TXNDC11: variants seen among roughly 807,000 people sequenced by gnomAD.
The protein encoded by TXNDC11 is thioredoxin domain containing 11.
Under a neutral mutation model 78.0 loss-of-function variants are expected in TXNDC11, and 68 were observed. That is an observed-to-expected ratio of 0.87 (90% confidence interval 0.72 to 1.07). The LOEUF (loss-of-function observed/expected upper bound fraction) is 1.07. TXNDC11 is among the 50% of genes least tolerant of loss of function. The pLI is 0.00. For synonymous variants in TXNDC11, 571 were observed against 495.2 expected (o/e 1.15, Z -2.03); for missense variants, 1,389 against 1,221.8 (o/e 1.14, Z -2.04).
chr16:11,728,754 C>G (rs2051957797), intron 4 of TXNDC11, among the ~76,000 whole-genome samples: 1 of 152,174 alleles, frequency 6.6e-6, no homozygotes, highest in Non-Finnish European at 1.5e-5. Context: ...CCACCACACT[C>G]CAGCCTGGGT....
At chr16:11,699,727 A>G (rs2050958340) in intron 6 of TXNDC11, among the ~76,000 whole-genome samples, 1 of 152,246 alleles carries the variant, frequency 6.6e-6, no homozygotes, top group South Asian at 2.1e-4. Flanking sequence ...GCAGGTTTTA[A>G]AGGCTGGGTA....
At chr16:11,685,240 C>A (rs2050533812) in intron 10 of TXNDC11, among the ~76,000 whole-genome samples, 1 of 152,180 alleles carries the variant, frequency 6.6e-6, no homozygotes, top group African/African-American at 2.4e-5. Context: ...CCTGTAGTCC[C>A]AGCTACTTGG....
At chr16:11,736,634 A>G (rs1235627721) in intron 1 of TXNDC11, among the ~76,000 whole-genome samples, 1 of 152,220 alleles carries the variant, frequency 6.6e-6, no homozygotes, top group African/African-American at 2.4e-5. Flanking sequence ...CATGTAAACT[A>G]CCATTAACAA....
intron 3 of TXNDC11, among the ~76,000 whole-genome samples, chr16:11,732,341 TACACC>T (rs1392301328): frequency 6.6e-6 from 1 of 152,172 alleles, no homozygotes; most frequent in African/African-American, 2.4e-5. Context: ...CTGAAAGGAC[TACACC>T]CCCCCACTAG....
intron 4 of TXNDC11, among the ~76,000 whole-genome samples, chr16:11,725,774 A>C (rs550039217): frequency 6.6e-6 from 1 of 152,384 alleles, no homozygotes; most frequent in South Asian, 2.1e-4. Context: ...GGGTTTACAA[A>C]GTTAAGAATT....
intron 5 of TXNDC11, among the ~76,000 whole-genome samples, chr16:11,709,733 C>T (rs1474916599): frequency 6.6e-6 from 1 of 152,036 alleles, no homozygotes; most frequent in Non-Finnish European, 1.5e-5. Flanking sequence ...CCGCGCCTGG[C>T]AGCTGTGATT....
chr16:11,742,374 C>G, intron 1 of TXNDC11, 103 bp downstream of exon 1: 2 of 993,564 alleles, frequency 2.0e-6, no homozygotes, highest in Non-Finnish European at 2.7e-6. Flanking sequence ...CAAGGTCAGG[C>G]CCGACTTCCC....
intron 4 of TXNDC11, among the ~76,000 whole-genome samples, chr16:11,726,957 G>C (rs1567342889): frequency 6.6e-6 from 1 of 152,100 alleles, no homozygotes; most frequent in Non-Finnish European, 1.5e-5. Context: ...GGAGGCTGAG[G>C]CACGAGAATC....
chr16:11,725,660 C>A (rs2051856021), intron 4 of TXNDC11, among the ~76,000 whole-genome samples: 1 of 152,202 alleles, frequency 6.6e-6, no homozygotes, highest in Non-Finnish European at 1.5e-5. Context: ...CTACCTCACC[C>A]AGCTGTTTGG....
At chr16:11,684,628 T>C (rs1226294791) in intron 10 of TXNDC11, among the ~76,000 whole-genome samples, 8 of 152,148 alleles carry the variant, frequency 5.3e-5, no homozygotes, top group Admixed American at 4.6e-4. Flanking sequence ...CCTCTGAAGA[T>C]GGAAAATTAT....
intron 4 of TXNDC11, among the ~76,000 whole-genome samples, chr16:11,728,033 T>C (rs1432545921): frequency 6.6e-6 from 1 of 152,162 alleles, no homozygotes; most frequent in Non-Finnish European, 1.5e-5. Flanking sequence ...CACAGAATTA[T>C]CTGACCTCCA....
chr16:11,715,241 C>CA (rs2051494780), intron 5 of TXNDC11, among the ~76,000 whole-genome samples: 1 of 151,746 alleles, frequency 6.6e-6, no homozygotes. Flanking sequence ...CAAAACAAAA[C>CA]AAAAAAATAG....
At chr16:11,690,564 T>C (rs1430032053) in intron 8 of TXNDC11, among the ~76,000 whole-genome samples, 2 of 152,148 alleles carry the variant, frequency 1.3e-5, no homozygotes, top group Non-Finnish European at 2.9e-5. Context: ...ACTGCTCTCT[T>C]TTTTTGGAGA....
chr16:11,716,000 C>T (rs915187767), intron 5 of TXNDC11, among the ~76,000 whole-genome samples: 2 of 152,224 alleles, frequency 1.3e-5, no homozygotes, highest in Non-Finnish European at 2.9e-5. Context: ...TTTACTCACA[C>T]ACAAAGTATT....
At chr16:11,708,434 T>C (rs2051245126) in intron 5 of TXNDC11, among the ~76,000 whole-genome samples, 1 of 152,172 alleles carries the variant, frequency 6.6e-6, no homozygotes, top group Non-Finnish European at 1.5e-5. Flanking sequence ...CAGAGGCCTA[T>C]AGTAAATAGC....
chr16:11,701,894 C>T (rs2051036501), intron 5 of TXNDC11, among the ~76,000 whole-genome samples: 1 of 152,040 alleles, frequency 6.6e-6, no homozygotes, highest in African/African-American at 2.4e-5. Flanking sequence ...CACTGCTAAG[C>T]ATCCACATGT....
chr16:11,691,734 C>T lies in TXNDC11; in HGVS notation c.1456G>A (p.Ala486Thr). 6.2e-7 allele frequency: 1 copy of T among 1,614,216 alleles called. No individual in the cohort carries two copies. The change falls in exon 8 of 12, where the codon GCA (alanine) becomes ACA (threonine). Residue 486 changes from alanine to threonine, a missense_variant. Physicochemically the swap from Ala to Thr is moderately conservative, Grantham distance 58. Transcript: ENST00000283033. The part of the protein sequence containing the change: ...YLKEQTFYHV[A>T]SDSIECSNFL... ...TTGCTGCATTCTATGCTGTCTGATGCCACATGATAAAAGGTCTGCTCCTTG... is the reference window on the plus strand; with the variant it reads ...TTGCTGCATTCTATGCTGTCTGATGTCACATGATAAAAGGTCTGCTCCTTG...
chr16:11,701,199 C>T (rs949794413), intron 5 of TXNDC11, among the ~76,000 whole-genome samples: 3 of 124,898 alleles, frequency 2.4e-5, no homozygotes, highest in Admixed American at 2.2e-4. Flanking sequence ...TGCAGTGGTG[C>T]GATATCGGCT....
In TXNDC11 at chr16:11,679,509, G is replaced by A; in HGVS notation, c.2563C>T (p.His855Tyr). Residue 855 changes from histidine to tyrosine, a missense_variant, in exon 12 of 12, where the codon CAC becomes TAC. By Grantham distance (83) the His-to-Tyr change is moderately conservative (BLOSUM62 2). Coordinates refer to ENST00000283033, the MANE Select transcript of TXNDC11 (RefSeq NM_015914.7). The surrounding 1 kb of genome is among the most constrained non-coding windows in gnomAD (Gnocchi z 4.6). The part of the protein sequence containing the change: ...LEEQHSLLHA[H>Y]SEQLQALYEQ... ...TAGAGGGCCTGCAGCTGCTCACTGTGTGCGTGGAGCAGGCTGTGCTGCTCT... is the reference window on the plus strand; with the variant it reads ...TAGAGGGCCTGCAGCTGCTCACTGTATGCGTGGAGCAGGCTGTGCTGCTCT... The A allele has an allele frequency of 1.2e-6, 2 of 1,613,406 alleles. No individual in the cohort carries two copies. The highest frequency in any genetic ancestry group is 3.3e-4 in the Middle Eastern group (2 of 6,058).
Sources: allele counts gnomAD v4.1 joint callset (sites outside exome capture counted in the v4.1 genomes callset), GRCh38; gene constraint gnomAD v4.1.1; non-coding constraint Gnocchi (gnomAD v3.1); transcripts MANE v1.5; gene names NCBI Gene and HGNC (gene_info 2026-07-23, HGNC 2026-07-21).